Variants in WRAP73 observed in about 807,000 individuals in gnomAD.
WRAP73 encodes the protein WD repeat containing, antisense to TP73.
A neutral mutation model predicts 59.6 loss-of-function variants in WRAP73; 55 were observed. That is an observed-to-expected ratio of 0.92 (90% CI 0.74 to 1.15). The LOEUF is 1.15. WRAP73 is among the 50% of genes most tolerant of loss of function. The pLI is 0.00. For missense variants in WRAP73, 592 were observed against 608.1 expected (o/e 0.97, Z 0.28); for synonymous variants, 265 against 258.2 (o/e 1.03, Z -0.25).
intron 3 of WRAP73, 72 bp from the exon 4 acceptor site, chr1:3,638,894 C>G (rs1156845950): frequency 3.8e-6 from 6 of 1,562,936 alleles, no homozygotes; most frequent in Non-Finnish European, 5.3e-6. Context: ...AATCCTCAAC[C>G]CGCCCACGCG....
intron 3 of WRAP73, among the ~76,000 whole-genome samples, chr1:3,645,120 C>T (rs906915475): frequency 1.3e-5 from 2 of 152,144 alleles, no homozygotes; most frequent in Admixed American, 1.3e-4. Flanking sequence ...TTTTTAAAAT[C>T]GAAACTGAAA....
chr1:3,647,149 C>G, intron 2 of WRAP73: 1 of 472,758 alleles, frequency 2.1e-6, no homozygotes, highest in Non-Finnish European at 3.7e-6. Flanking sequence ...TTAGGACTTC[C>G]TGAAACACAC....
intron 4 of WRAP73, 59 bp from the exon 5 acceptor site, chr1:3,637,157 C>T: frequency 7.1e-7 from 1 of 1,412,800 alleles, no homozygotes; most frequent in Non-Finnish European, 9.8e-7. Context: ...CAAGAGAAAC[C>T]ACAGTAGTAA....
At position 3,639,114 on chromosome 1, in the gene WRAP73, G is replaced by A. The variant is rs923934794; in HGVS notation, c.340-292C>T. On this transcript the variant is annotated intron_variant, in intron 3 of 11. Coordinates refer to ENST00000270708, the MANE Select transcript of WRAP73 (RefSeq NM_017818.4). This position sits in a 1 kb window ranked among gnomAD's most constrained non-coding sequence, Gnocchi z 4.3. ...ATTAGCTTTTTCAAAGTGACCATAG[G>A]TTGCATGTTATAATAACCCTGAGTT... 8 of 387,062 alleles carry A rather than the reference G, an allele frequency of 2.1e-5. No homozygotes were observed. Among genetic ancestry groups the A allele is most frequent in the African/African-American group, 1.7e-4 (8 of 47,588 alleles). 24.0% of individuals were successfully genotyped at this position (387,062 alleles called of 1,614,324 possible). A position where few individuals can be genotyped will look rare whatever the true frequency, so the allele number is the denominator to read the frequency against.
rs538551680 is a variant in WRAP73 at position 3,641,550 on chromosome 1, T to C, written c.340-2728A>G. Among the ~76,000 whole-genome samples the C allele has an allele frequency of 3.9e-5, 6 of 152,336 alleles. No individual in the cohort carries two copies. The East Asian group carries it at 9.7e-4, about 25-fold the overall frequency. ...TGCAGATGGGATTCCGAGTAGGCAG[T>C]GCTGCTCGCCCCGCAGCAGGCACCG... is the stretch of plus-strand genomic sequence containing the variant. On this transcript the variant is annotated intron_variant, in intron 3 of 11. Transcript: ENST00000270708.
At chr1:3,634,477 G>A (rs924904102) in intron 8 of WRAP73, 25 of 174,146 alleles carry the variant, frequency 1.4e-4, no homozygotes, top group African/African-American at 5.0e-4. Context: ...CTCCCTCCCC[G>A]AGTCCCTGAT....
rs1309153712 is a variant in WRAP73 at position 3,639,372 on chromosome 1, G to C, written c.340-550C>G. On this transcript the variant is annotated intron_variant, in intron 3 of 11. Transcript: ENST00000270708. The surrounding 1 kb of genome is among the most constrained non-coding windows in gnomAD (Gnocchi z 4.3). ...TGCAGAGGGTTCTAGAACATGCGCT[G>C]CTGGACTGTCCACTTTTCCACCCCT... The C allele has an allele frequency of 6.5e-6, 1 of 154,920 alleles. No homozygotes were observed. 9.6% of individuals were successfully genotyped at this position (154,920 alleles called of 1,614,324 possible).
intron 8 of WRAP73, chr1:3,633,799 T>G: frequency 2.9e-6 from 1 of 341,640 alleles, no homozygotes. Context: ...AGCAAGGGAG[T>G]GGGCTCAGCC....
At position 3,632,330 on chromosome 1, in the gene WRAP73, C is replaced by T. The variant is rs780719205; in HGVS notation, c.931G>A (p.Ala311Thr). ...LPSSESKYEI[A>T]SVPVSLQTLK... is the part of the protein sequence containing the mutation. ...GTCTGTAAGGAGACTGGGACAGAGG[C>T]GATCTCATCTAGAACACCAACAGGA... The change falls in exon 10 of 12, where the codon GCC becomes ACC. Residue 311 changes from alanine (A) to threonine (T), a missense_variant. Transcript: ENST00000270708. 15 of 1,614,010 alleles carry T rather than the reference C, an allele frequency of 9.3e-6. No individual in the cohort carries two copies. Among genetic ancestry groups the T allele is most frequent in the East Asian group, 2.2e-5 (1 of 44,894 alleles).
intron 3 of WRAP73, among the ~76,000 whole-genome samples, chr1:3,642,669 G>A (rs1644657134): frequency 6.6e-6 from 1 of 150,526 alleles, no homozygotes; most frequent in Non-Finnish European, 1.5e-5. Flanking sequence ...CCTGGGAGGC[G>A]TAGGTTGCGG....
At chr1:3,638,879 G>C in intron 3 of WRAP73, 57 bp from the exon 4 acceptor site, 1 of 1,595,972 alleles carries the variant, frequency 6.3e-7, no homozygotes, top group Non-Finnish European at 8.6e-7. Flanking sequence ...ATCAGAGACC[G>C]TCTCAATCCT....
Position 3,647,454 on chromosome 1 carries a change from T to A in WRAP73, c.176A>T (p.Asp59Val). The A allele has an allele frequency of 6.2e-7, 1 of 1,613,728 alleles. No homozygotes were observed. The highest frequency in any genetic ancestry group is 8.5e-7 in the Non-Finnish European group (1 of 1,179,880). ...DQIQHIEWSA[D>V]SLFILCAMYK... ...CATGGCGCACAGGATGAAGAGCGAG[T>A]CTGCCGACCACTCGATGTGCTGGAT... Residue 59 changes from aspartate (D) to valine (V), a missense_variant, in exon 2 of 12, where the codon GAC becomes GTC. Physicochemically the swap from Asp to Val is radical, Grantham distance 152 (BLOSUM62 -3). Transcript: ENST00000270708.
chr1:3,636,151 A>C, intron 5 of WRAP73, 121 bp from the exon 6 acceptor site: 5 of 725,828 alleles, frequency 6.9e-6, no homozygotes, highest in Non-Finnish European at 1.2e-5. Context: ...ACAAAATCTC[A>C]ACAGCTCTAT....
In WRAP73 at chr1:3,650,041, C is replaced by G. The variant is rs1347119332; in HGVS notation, c.-42G>C. On this transcript the variant is annotated 5_prime_UTR_variant, in exon 1 of 12. Coordinates refer to ENST00000270708, the MANE Select transcript of WRAP73 (RefSeq NM_017818.4). ...GGGCGCCACCCTGCGCCCGAAAACC[C>G]GCGGGACCCCTGGGCGCGCAGCAGG... The G allele has an allele frequency of 3.2e-6, 5 of 1,547,334 alleles. No individual in the cohort carries two copies. In the East Asian group the frequency reaches 1.0e-4, roughly 31 times the overall value.
rs140040324 is a variant in WRAP73 at position 3,630,996 on chromosome 1, T to G, written c.1362A>C (p.Arg454Ser). ...ETEAVVGTAC[R>S]QLGGHT Reference sequence around the variant, plus strand: ...GCTGCTACGTGTGGCCGCCCAGCTGTCTGCAGGCTGTGCCGACCACTGCCT... The same window carrying G: ...GCTGCTACGTGTGGCCGCCCAGCTGGCTGCAGGCTGTGCCGACCACTGCCT... Residue 454 changes from arginine to serine, a missense_variant, in exon 12 of 12, where the codon AGA (arginine) becomes AGC (serine). Coordinates refer to ENST00000270708, the MANE Select transcript of WRAP73 (RefSeq NM_017818.4). 1 of 1,612,848 alleles carries G rather than the reference T, an allele frequency of 6.2e-7. No homozygotes were observed. The highest frequency in any genetic ancestry group is 8.5e-7 in the Non-Finnish European group (1 of 1,179,958).
chr1:3,647,039 G>T (rs1030121759), intron 2 of WRAP73, among the ~76,000 whole-genome samples: 2 of 152,158 alleles, frequency 1.3e-5, no homozygotes, highest in Non-Finnish European at 2.9e-5. Context: ...CACGCTTCTT[G>T]GTGATTTCAT....
rs148601031 is a variant in WRAP73 at position 3,638,902 on chromosome 1, G to A, written c.340-80C>T. ...CCGTCTCAATCCTCAACCCGCCCAC[G>A]CGTCCCCAAGCACAGGCCTGACTGC... is the stretch of plus-strand genomic sequence containing the variant. On this transcript the variant is annotated intron_variant, in intron 3 of 11. Transcript: ENST00000270708. 1,547 of 1,511,696 alleles carry A rather than the reference G, an allele frequency of 1.0e-3. No individual in the cohort carries two copies. In the African/African-American group the frequency reaches 0.01, roughly 10 times the overall value. The allele number at this position is 1,511,696 out of a possible 1,614,324, so 93.6% of individuals were successfully genotyped here.
chr1:3,631,927 T>C (rs1644539101), intron 10 of WRAP73: 1 of 1,390,326 alleles, frequency 7.2e-7, no homozygotes, highest in African/African-American at 1.5e-5. Context: ...GAGAAACCCT[T>C]AACAAAAGGC....
chr1:3,631,219 C>T, intron 11 of WRAP73, 102 bp from the exon 12 acceptor site: 1 of 1,538,046 alleles, frequency 6.5e-7, no homozygotes, highest in Non-Finnish European at 8.8e-7. Flanking sequence ...CCTGGAGTGA[C>T]CCACATAGGC....
Sources: gnomAD v4.1 joint callset for allele counts (sites outside exome capture counted in the v4.1 genomes callset) on GRCh38, gnomAD v4.1.1 for gene constraint, Gnocchi (gnomAD v3.1) non-coding constraint, MANE v1.5 for transcripts, NCBI Gene and HGNC (gene_info 2026-07-23, HGNC 2026-07-21) for gene names.